NTM: variants seen among roughly 807,000 people sequenced by gnomAD.
NTM encodes the protein IgLON family member 2.
In NTM, 13 loss-of-function variants were observed where a neutral mutation model predicts 42.1. The observed-to-expected ratio is 0.31, with a 90% CI of 0.20 to 0.49. The LOEUF is 0.49. NTM is among the 20% of genes least tolerant of loss of function. The pLI is 0.99. For synonymous variants in NTM, 187 were observed against 179.2 expected (o/e 1.04, Z -0.35); for missense variants, 373 against 452.8 (o/e 0.82, Z 1.60).
intron 4 of NTM, among the ~76,000 whole-genome samples, chr11:132,237,165 G>T (rs767956934): frequency 5.9e-5 from 9 of 152,210 alleles, no homozygotes; most frequent in Non-Finnish European, 1.0e-4. Context: ...AGCAGTAAAC[G>T]TCCGGAACAT....
At chr11:131,841,521 A>G (rs1415461554) in intron 1 of NTM, among the ~76,000 whole-genome samples, 2 of 152,244 alleles carry the variant, frequency 1.3e-5, no homozygotes, top group African/African-American at 4.8e-5. Context: ...TGCCCAGGCC[A>G]TACCCCAAAC....
At chr11:131,893,958 T>C (rs1257095715) in intron 1 of NTM, among the ~76,000 whole-genome samples, 3 of 152,214 alleles carry the variant, frequency 2.0e-5, no homozygotes, top group Admixed American at 6.5e-5. Context: ...GTCCTTCTAC[T>C]GTGTAAAGTG....
intron 1 of NTM, among the ~76,000 whole-genome samples, chr11:131,651,616 T>G (rs2066487397): frequency 6.6e-6 from 1 of 152,014 alleles, no homozygotes; most frequent in Admixed American, 6.6e-5. Flanking sequence ...CCGAGGCAGG[T>G]GGATCATGAG....
At chr11:132,254,180 G>A (rs1412519525) in intron 4 of NTM, among the ~76,000 whole-genome samples, 2 of 152,052 alleles carry the variant, frequency 1.3e-5, no homozygotes, top group Admixed American at 1.3e-4. Flanking sequence ...CACTGACAGG[G>A]CCTGTGTGTT....
At position 132,278,743 on chromosome 11, in the gene NTM, TTCTCTC is replaced by T. The variant is rs66748602; in HGVS notation, c.527-28910_527-28905del. The stretch of plus-strand genomic sequence containing the variant: ...TGTCTTTCTTAACCTTCATTTGGGC[TTCTCTC>T]TCTCTCTCTCTCTCTCTCTCTCTCT... On this transcript the variant is annotated intron_variant, in intron 4 of 8. Transcript: ENST00000683400. 9.3e-3 allele frequency among the ~76,000 whole-genome samples: 1,282 copies of T among 138,056 alleles called. 10 individuals carry two copies. The highest frequency in any genetic ancestry group is 0.017 in the African/African-American group (641 of 36,982). 90.6% of individuals were successfully genotyped at this position (138,056 alleles called of 152,430 possible).
At chr11:131,585,863 T>C (rs558388044) in intron 1 of NTM, among the ~76,000 whole-genome samples, 4 of 152,230 alleles carry the variant, frequency 2.6e-5, no homozygotes, top group Non-Finnish European at 5.9e-5. Context: ...CTAGTGTTTT[T>C]CCTTACCATC....
intron 1 of NTM, among the ~76,000 whole-genome samples, chr11:131,875,067 T>C (rs1280499087): frequency 6.6e-6 from 1 of 152,234 alleles, no homozygotes; most frequent in Non-Finnish European, 1.5e-5. Context: ...GGCCTTGTCC[T>C]GGATTCTCCA....
At chr11:131,532,470 CAT>C (rs2051433042) in intron 1 of NTM, among the ~76,000 whole-genome samples, 1 of 152,236 alleles carries the variant, frequency 6.6e-6, no homozygotes, top group Admixed American at 6.5e-5. Flanking sequence ...ACTCCTCTGT[CAT>C]AGACACTGGG....
chr11:131,582,863 G>A (rs912701958), intron 1 of NTM, among the ~76,000 whole-genome samples: 1 of 152,144 alleles, frequency 6.6e-6, no homozygotes, highest in East Asian at 1.9e-4. Flanking sequence ...GCAGAGCTGG[G>A]CACTGTGAGT....
At chr11:132,210,724 C>T (rs1268787043) in intron 3 of NTM, among the ~76,000 whole-genome samples, 1 of 152,100 alleles carries the variant, frequency 6.6e-6, no homozygotes, top group African/African-American at 2.4e-5. Context: ...ACGACTGGAC[C>T]CCGGAAAGAA....
chr11:131,774,126 A>G (rs1034800151), intron 1 of NTM: 2 of 985,204 alleles, frequency 2.0e-6, no homozygotes, highest in Non-Finnish European at 2.4e-6. Flanking sequence ...CTTAATCATC[A>G]GCGAATTCTT....
intron 1 of NTM, among the ~76,000 whole-genome samples, chr11:131,814,498 G>A (rs554768094): frequency 6.6e-6 from 1 of 152,242 alleles, no homozygotes; most frequent in Non-Finnish European, 1.5e-5. Context: ...TACGGTTTCA[G>A]ATGGCAGTAC....
chr11:131,739,994 T>A (rs1459395199), intron 1 of NTM, among the ~76,000 whole-genome samples: 2 of 152,164 alleles, frequency 1.3e-5, no homozygotes, highest in Non-Finnish European at 2.9e-5. Flanking sequence ...AATGAAAAAA[T>A]CAATAGTTTT....
chr11:131,371,646 G>T (rs189032351), intron 1 of NTM, among the ~76,000 whole-genome samples: 5 of 152,316 alleles, frequency 3.3e-5, no homozygotes, highest in Admixed American at 6.5e-5. Context: ...GATGTCCCCA[G>T]TGCTGTGTTC....
At chr11:131,532,253 G>C (rs2051393425) in intron 1 of NTM, among the ~76,000 whole-genome samples, 1 of 152,042 alleles carries the variant, frequency 6.6e-6, no homozygotes, top group South Asian at 2.1e-4. Context: ...CACTCCTCCA[G>C]CTCCTGGTAA....
At chr11:131,466,602 C>G (rs1046710727) in intron 1 of NTM, among the ~76,000 whole-genome samples, 3 of 152,212 alleles carry the variant, frequency 2.0e-5, no homozygotes, top group Non-Finnish European at 4.4e-5. Flanking sequence ...ATCTCTCTCC[C>G]TAGCATGTTA....
chr11:131,574,267 C>T (rs1310596289), intron 1 of NTM, among the ~76,000 whole-genome samples: 1 of 152,184 alleles, frequency 6.6e-6, no homozygotes, highest in Non-Finnish European at 1.5e-5. Context: ...TCACTGCACT[C>T]CCCAGTCCAG....
At chr11:131,690,616 C>A (rs550894130) in intron 1 of NTM, among the ~76,000 whole-genome samples, 44 of 152,364 alleles carry the variant, frequency 2.9e-4, no homozygotes, top group African/African-American at 1.0e-3. Context: ...ATACAGAACA[C>A]ACTTCCCATC....
intron 1 of NTM, among the ~76,000 whole-genome samples, chr11:131,529,630 G>A (rs1053746886): frequency 2.6e-5 from 4 of 152,230 alleles, no homozygotes; most frequent in South Asian, 2.1e-4. Flanking sequence ...AAGGCTGCTC[G>A]GTGCATGTGT....
Sources: gnomAD v4.1 joint callset for allele counts (sites outside exome capture counted in the v4.1 genomes callset) on GRCh38, gnomAD v4.1.1 for gene constraint, MANE v1.5 for transcripts, NCBI Gene and HGNC (gene_info 2026-07-23, HGNC 2026-07-21) for gene names.